The following PRKCH variants were observed in gnomAD, a reference collection of about 807,000 sequenced individuals.
PRKCH encodes protein kinase C eta.
PRKCH carries 28 observed loss-of-function variants against 82.5 expected under a neutral mutation model. The observed-to-expected ratio is 0.34, with a 90% CI of 0.25 to 0.47. The LOEUF is 0.47. Ranked by LOEUF, PRKCH falls within the 20% of genes least tolerant of loss-of-function variation. The pLI is 1.00. For missense variants in PRKCH, 705 were observed against 881.8 expected (o/e 0.80, Z 2.54); for synonymous variants, 322 against 327.4 (o/e 0.98, Z 0.18).
chr14:61,434,626 A>T (rs1883588692), intron 2 of PRKCH, among the ~76,000 whole-genome samples: 1 of 152,210 alleles, frequency 6.6e-6, no homozygotes, highest in Admixed American at 6.5e-5. Flanking sequence ...ACAGGAGGGA[A>T]TTTCCATCCT....
chr14:61,272,934 C>G (rs1199297907), intron 1 of PRKCH, among the ~76,000 whole-genome samples: 1 of 152,104 alleles, frequency 6.6e-6, no homozygotes, highest in Non-Finnish European at 1.5e-5. Flanking sequence ...TGAGGGCAGA[C>G]AATGCAAAGC....
At chr14:61,325,098 T>G (rs1213073530) in intron 1 of PRKCH, among the ~76,000 whole-genome samples, 1 of 152,236 alleles carries the variant, frequency 6.6e-6, no homozygotes, top group Non-Finnish European at 1.5e-5. Context: ...CTAAGTTTGT[T>G]GTAGAAATTG....
At chr14:61,191,477 A>G (rs1260955854) in intron 1 of PRKCH, among the ~76,000 whole-genome samples, 3 of 152,210 alleles carry the variant, frequency 2.0e-5, no homozygotes, top group Non-Finnish European at 4.4e-5. Flanking sequence ...GTTGGAGACC[A>G]GCCTGGCCAA....
chr14:61,275,804 A>C (rs1175863053), intron 1 of PRKCH, among the ~76,000 whole-genome samples: 1 of 151,900 alleles, frequency 6.6e-6, no homozygotes, highest in East Asian at 1.9e-4. Context: ...CAACCCCCAA[A>C]GTTTCTTGGG....
chr14:61,426,814 G>A (rs926784343), intron 2 of PRKCH, among the ~76,000 whole-genome samples: 18 of 152,152 alleles, frequency 1.2e-4, no homozygotes, highest in African/African-American at 2.7e-4. Flanking sequence ...GGAAAGTTTC[G>A]TCTGAGAAAA....
At chr14:61,430,997 G>A (rs964791506) in intron 2 of PRKCH, among the ~76,000 whole-genome samples, 1 of 152,124 alleles carries the variant, frequency 6.6e-6, no homozygotes, top group African/African-American at 2.4e-5. Flanking sequence ...CTCGCGATCC[G>A]CCCGCCTCGG....
intron 10 of PRKCH, among the ~76,000 whole-genome samples, chr14:61,511,161 C>T (rs1887359691): frequency 6.6e-6 from 1 of 152,212 alleles, no homozygotes; most frequent in African/African-American, 2.4e-5. Flanking sequence ...TCCATCAGTT[C>T]TTCCTTTTCA....
chr14:61,279,790 T>G, intron 1 of PRKCH: 1 of 353,388 alleles, frequency 2.8e-6, no homozygotes, highest in Non-Finnish European at 5.1e-6. Context: ...TTAATAGGAG[T>G]CTCCATAGGG....
At chr14:61,367,719 T>C (rs79195598) in intron 1 of PRKCH, among the ~76,000 whole-genome samples, 4 of 68,694 alleles carry the variant, frequency 5.8e-5, no homozygotes, top group Admixed American at 4.1e-4. Flanking sequence ...AGAACTCCTT[T>C]TTTTTTTTTT....
chr14:61,412,511 G>GGCTA (rs1449799162), intron 2 of PRKCH, among the ~76,000 whole-genome samples: 3 of 151,870 alleles, frequency 2.0e-5, no homozygotes, highest in Non-Finnish European at 2.9e-5. Context: ...TCTCTAGCCA[G>GGCTA]GACTGTGGGG....
chr14:61,547,825 A>G lies in PRKCH; in HGVS notation c.1844A>G (p.Lys615Arg), dbSNP rs1483018230. ...EHAILRHPFF[K>R]EIDWAQLNHR... ...GCCATCTTGAGACATCCTTTTTTTAAGGAAATCGACTGGGCCCAGCTGAAC... is the reference window on the plus strand; with the variant it reads ...GCCATCTTGAGACATCCTTTTTTTAGGGAAATCGACTGGGCCCAGCTGAAC... Residue 615 changes from lysine to arginine, a missense_variant, in exon 13 of 14, where the codon AAG becomes AGG. By Grantham distance (26) the Lys-to-Arg change is conservative (BLOSUM62 2). Transcript: ENST00000332981. The G allele has an allele frequency of 6.2e-7, 1 of 1,614,038 alleles. No homozygotes were observed. Among genetic ancestry groups the G allele is most frequent in the East Asian group, 2.2e-5 (1 of 44,896 alleles).
intron 1 of PRKCH, among the ~76,000 whole-genome samples, chr14:61,229,702 T>G (rs2044725364): frequency 6.6e-6 from 1 of 152,194 alleles, no homozygotes; most frequent in African/African-American, 2.4e-5. Flanking sequence ...TTTGAGGCAC[T>G]GATGTGGAAC....
At chr14:61,327,199 A>G (rs192823246) in intron 1 of PRKCH, 24 of 444,750 alleles carry the variant, frequency 5.4e-5, no homozygotes, top group Middle Eastern at 3.4e-4. Flanking sequence ...TTTTGTAATC[A>G]GTCCTGTCAG....
chr14:61,212,483 ATT>A (rs1166281651), intron 1 of PRKCH, among the ~76,000 whole-genome samples: 1 of 152,204 alleles, frequency 6.6e-6, no homozygotes, highest in African/African-American at 2.4e-5. Context: ...GTTATCTAAA[ATT>A]CTCTGGTTCC....
chr14:61,322,051 C>T lies in PRKCH; in HGVS notation c.-51C>T. 1.3e-6 allele frequency: 2 copies of T among 1,488,032 alleles called. No individual in the cohort carries two copies. Among genetic ancestry groups the T allele is most frequent in the Non-Finnish European group, 9.0e-7 (1 of 1,114,410 alleles). 92.2% of individuals were successfully genotyped at this position (1,488,032 alleles called of 1,614,324 possible). The stretch of plus-strand genomic sequence containing the variant: ...CTGGCCTGAGACGGGACTCCCGGTT[C>T]TCCCGCTGCGAAGCAGCGCGGCCCC... On this transcript the variant is annotated 5_prime_UTR_variant, in exon 1 of 14. Transcript: ENST00000332981.
At chr14:61,397,644 T>C (rs1174534783) in intron 2 of PRKCH, among the ~76,000 whole-genome samples, 1 of 152,240 alleles carries the variant, frequency 6.6e-6, no homozygotes, top group East Asian at 1.9e-4. Flanking sequence ...TGTGAAATAG[T>C]ATCTGAGTGC....
chr14:61,200,631 A>T (rs1193805713), intron 1 of PRKCH, among the ~76,000 whole-genome samples: 1 of 152,122 alleles, frequency 6.6e-6, no homozygotes, highest in Non-Finnish European at 1.5e-5. Flanking sequence ...GTCAATCCTT[A>T]TCCAAGGCTT....
intron 1 of PRKCH, among the ~76,000 whole-genome samples, chr14:61,189,210 T>A (rs2044391294): frequency 1.3e-5 from 2 of 152,196 alleles, no homozygotes; most frequent in Non-Finnish European, 2.9e-5. Context: ...CCGCCGGTGT[T>A]TGGGAATCCC....
chr14:61,429,880 A>G (rs1566877512), intron 2 of PRKCH, among the ~76,000 whole-genome samples: 1 of 152,198 alleles, frequency 6.6e-6, no homozygotes, highest in Non-Finnish European at 1.5e-5. Flanking sequence ...GAATAATACT[A>G]TATAGATGGG....
Sources: allele counts gnomAD v4.1 joint callset (sites outside exome capture counted in the v4.1 genomes callset), GRCh38; gene constraint gnomAD v4.1.1; transcripts MANE v1.5; gene names NCBI Gene and HGNC (gene_info 2026-07-23, HGNC 2026-07-21).